DCHS2: variants seen among roughly 807,000 people sequenced by gnomAD.
DCHS2 encodes protocadherin-23.
In DCHS2, 142 loss-of-function variants were observed where a neutral mutation model predicts 182.4. The ratio of observed to expected loss-of-function variants is 0.78; its 90% confidence interval spans 0.68 to 0.89. The LOEUF (loss-of-function observed/expected upper bound fraction) is 0.89. Ranked by LOEUF, DCHS2 falls within the 40% of genes least tolerant of loss-of-function variation. The probability of loss-of-function intolerance (pLI) is 0.00; values close to 1 mark genes in which losing one functional copy is unlikely to be tolerated. For synonymous variants in DCHS2, 1,740 were observed against 1,663.3 expected (o/e 1.05, Z -1.12); for missense variants, 4,319 against 4,198.6 (o/e 1.03, Z -0.79).
chr4:154,285,315 T>C (rs1734343170), intron 13 of DCHS2, among the ~76,000 whole-genome samples: 2 of 151,906 alleles, frequency 1.3e-5, no homozygotes, highest in Non-Finnish European at 2.9e-5. Context: ...ATGTGGTGGC[T>C]ATGGGGAGAG....
intron 3 of DCHS2, among the ~76,000 whole-genome samples, chr4:154,335,950 T>C (rs1214463772): frequency 3.3e-5 from 5 of 152,232 alleles, no homozygotes; most frequent in South Asian, 2.1e-4. Flanking sequence ...TATATTCTAA[T>C]GCAGGCTAGC....
chr4:154,443,652 G>A (rs942009894), intron 1 of DCHS2, among the ~76,000 whole-genome samples: 2 of 152,074 alleles, frequency 1.3e-5, no homozygotes, highest in Non-Finnish European at 2.9e-5. Flanking sequence ...CCTACTCCAG[G>A]ACTCTGCACC....
In DCHS2 at chr4:154,304,876, G is replaced by GTACTGA. The variant is rs1183499991; in HGVS notation, c.5396-4_5397dup (p.Val1799_Leu1800insSerVal). ...GAAGGGAATCCCCCATCTCGTACTAGTACTGACACAGAACACAAAGACGGT... is the reference window on the plus strand; with the variant it reads ...GAAGGGAATCCCCCATCTCGTACTAGTACTGATACTGACACAGAACACAAAGACGGT... On this transcript the variant is annotated inframe_insertion and splice_region_variant, in exon 12 of 20. Coordinates refer to ENST00000357232, the MANE Select transcript of DCHS2 (RefSeq NM_001358235.2). 1.9e-6 allele frequency: 3 copies of GTACTGA among 1,605,896 alleles called. No individual in the cohort carries two copies. The Admixed American group carries it at 5.1e-5, about 27-fold the overall frequency.
chr4:154,434,969 G>A (rs1733714196), intron 1 of DCHS2, among the ~76,000 whole-genome samples: 1 of 152,152 alleles, frequency 6.6e-6, no homozygotes, highest in African/African-American at 2.4e-5. Flanking sequence ...GCTGCATAAA[G>A]GTAACGTGGT....
intron 3 of DCHS2, among the ~76,000 whole-genome samples, chr4:154,364,808 G>A (rs1730275979): frequency 6.6e-6 from 1 of 152,074 alleles, no homozygotes; most frequent in South Asian, 2.1e-4. Flanking sequence ...ACAATGTACA[G>A]AAAATGTCTA....
intron 2 of DCHS2, among the ~76,000 whole-genome samples, chr4:154,375,482 A>G (rs559896094): frequency 6.6e-6 from 1 of 152,276 alleles, no homozygotes; most frequent in African/African-American, 2.4e-5. Flanking sequence ...TCAGTAAGAA[A>G]AAGATCCAAC....
intron 9 of DCHS2, among the ~76,000 whole-genome samples, chr4:154,319,104 C>T (rs10049695): frequency 0.81 from 122,615 of 152,074 alleles, 51,979 homozygotes; most frequent in South Asian, 0.94. Flanking sequence ...AAAGGCTAAT[C>T]TCTTCAACAA....
chr4:154,415,969 T>G (rs947026153), intron 1 of DCHS2, among the ~76,000 whole-genome samples: 4 of 152,204 alleles, frequency 2.6e-5, no homozygotes, highest in Non-Finnish European at 5.9e-5. Flanking sequence ...TCATTTTTAT[T>G]TCATGTATAC....
At position 154,490,147 on chromosome 4, in the gene DCHS2, C is replaced by A. The variant is rs1560789753; in HGVS notation, c.1209G>T (p.Val403=). 1.9e-6 allele frequency: 3 copies of A among 1,548,284 alleles called. No individual in the cohort carries two copies. The highest frequency in any genetic ancestry group is 2.6e-6 in the Non-Finnish European group (3 of 1,145,602). ...CTGGCCGGTTGTCATTCACGTCCAG[C>A]ACGGCGATGGACACGCGCACCGTGG... ...EVATVRVSIA[V]LDVNDNRPAI... is the part of the protein sequence containing the mutation. Residue 403 remains valine (V), a synonymous_variant, in exon 1 of 20, where the codon GTG becomes GTT. Coordinates refer to ENST00000357232, the MANE Select transcript of DCHS2 (RefSeq NM_001358235.2).
intron 1 of DCHS2, among the ~76,000 whole-genome samples, chr4:154,412,015 A>G (rs1039338086): frequency 6.6e-6 from 1 of 152,226 alleles, no homozygotes; most frequent in East Asian, 1.9e-4. Context: ...AGAGTTTAAT[A>G]TAGGGCTTAA....
intron 1 of DCHS2, among the ~76,000 whole-genome samples, chr4:154,431,749 C>T (rs964942141): frequency 1.3e-5 from 2 of 152,140 alleles, no homozygotes; most frequent in African/African-American, 4.8e-5. Context: ...TTTTTGGTCA[C>T]CTGGCTCTAA....
In DCHS2 at chr4:154,491,259, G is replaced by C; in HGVS notation, c.97C>G (p.His33Asp). ...GCGCCGCTGCTGCCTGACCGCCCAT[G>C]GGGTGTATCTCTCCTCCCGGGGAGC... ...LLLPGRRDTP[H>D]GRSGSSGART... The change falls in exon 1 of 20, where the codon CAT (histidine) becomes GAT (aspartate). Residue 33 changes from histidine (H) to aspartate (D), a missense_variant. Coordinates refer to ENST00000357232, the MANE Select transcript of DCHS2 (RefSeq NM_001358235.2). The C allele has an allele frequency of 3.2e-6, 5 of 1,551,314 alleles. No homozygotes were observed. The highest frequency in any genetic ancestry group is 4.4e-6 in the Non-Finnish European group (5 of 1,146,948).
chr4:154,398,582 A>G (rs1732029553), intron 1 of DCHS2, among the ~76,000 whole-genome samples: 1 of 152,192 alleles, frequency 6.6e-6, no homozygotes. Flanking sequence ...TGCTTATGAT[A>G]TAGAATAACT....
chr4:154,432,340 A>G (rs915728158), intron 1 of DCHS2, among the ~76,000 whole-genome samples: 7 of 152,208 alleles, frequency 4.6e-5, no homozygotes, highest in Admixed American at 2.0e-4. Context: ...ATTTAATTTT[A>G]AAAAATTAAA....
At position 154,315,876 on chromosome 4, in the gene DCHS2, G is replaced by A; in HGVS notation, c.5132C>T (p.Thr1711Ile). 1 of 1,613,988 alleles carries A rather than the reference G, an allele frequency of 6.2e-7. No individual in the cohort carries two copies. Among genetic ancestry groups the A allele is most frequent in the Non-Finnish European group, 8.5e-7 (1 of 1,179,964 alleles). Residue 1711 changes from threonine (T) to isoleucine (I), a missense_variant, in exon 10 of 20, where the codon ACA becomes ATA. Coordinates refer to ENST00000357232, the MANE Select transcript of DCHS2 (RefSeq NM_001358235.2). ...ATCATTTACATCAAGAACAGTAACT[G>A]TCAAAGTCTGGGATGAAGAAAGTGC... ...TPALSSSQTL[T>I]VTVLDVNDEA...
intron 1 of DCHS2, among the ~76,000 whole-genome samples, chr4:154,442,534 C>T (rs1445540450): frequency 4.0e-5 from 3 of 74,728 alleles, no homozygotes; most frequent in Non-Finnish European, 6.4e-5. Flanking sequence ...TGGACACCCC[C>T]CCCCCCCCAC....
At position 154,321,621 on chromosome 4, in the gene DCHS2, G is replaced by C. The variant is rs765112287; in HGVS notation, c.4177-399C>G. ...ATCTGTGTACATTTAAGTATCATAT[G>C]TCTTTGTTTGTCTGAAACAAGAAAC... On this transcript the variant is annotated intron_variant, in intron 8 of 19. Coordinates refer to ENST00000357232, the MANE Select transcript of DCHS2 (RefSeq NM_001358235.2). 3.5e-4 allele frequency among the ~76,000 whole-genome samples: 53 copies of C among 152,246 alleles called. No individual in the cohort carries two copies. The Middle Eastern group carries it at 0.01, about 29-fold the overall frequency.
At chr4:154,317,399 T>G (rs1238620426) in intron 9 of DCHS2, among the ~76,000 whole-genome samples, 1 of 152,260 alleles carries the variant, frequency 6.6e-6, no homozygotes, top group Non-Finnish European at 1.5e-5. Flanking sequence ...ACTATTTCTC[T>G]GTCAGTTGGG....
chr4:154,305,769 T>C (rs2111302082), intron 10 of DCHS2, among the ~76,000 whole-genome samples: 1 of 152,328 alleles, frequency 6.6e-6, no homozygotes, highest in South Asian at 2.1e-4. Flanking sequence ...TGGTACCACA[T>C]TATTATGCAT....
Sources: allele counts gnomAD v4.1 joint callset (sites outside exome capture counted in the v4.1 genomes callset), GRCh38; gene constraint gnomAD v4.1.1; transcripts MANE v1.5; gene names NCBI Gene and HGNC (gene_info 2026-07-23, HGNC 2026-07-21).